The following CCDC144A variants were observed in gnomAD, a reference collection of about 807,000 sequenced individuals.
The protein encoded by CCDC144A is coiled-coil domain containing 144A.
In CCDC144A, 41 loss-of-function variants were observed where a neutral mutation model predicts 143.8. The ratio of observed to expected loss-of-function variants is 0.29; its 90% CI spans 0.22 to 0.37. The LOEUF (loss-of-function observed/expected upper bound fraction) is 0.37, where lower values mean the gene tolerates loss of function less well. Ranked by LOEUF, CCDC144A falls within the 10% of genes least tolerant of loss-of-function variation. The pLI, the probability that CCDC144A is intolerant of heterozygous loss-of-function variation, is 1.00. For missense variants in CCDC144A, 637 were observed against 1,488.8 expected, an observed-to-expected ratio of 0.43 and a Z score of 9.41; for synonymous variants, 242 against 517.9, an observed-to-expected ratio of 0.47 and a Z score of 7.23.
At chr17:16,721,773 C>T (rs1913102563) in intron 8 of CCDC144A, among the ~76,000 whole-genome samples, 1 of 151,348 alleles carries the variant, frequency 6.6e-6, no homozygotes, top group Admixed American at 6.6e-5. Context: ...TGAGACCAGC[C>T]ATAGACAATA....
intron 9 of CCDC144A, among the ~76,000 whole-genome samples, chr17:16,729,358 A>G (rs1913598978): frequency 6.6e-6 from 1 of 152,096 alleles, no homozygotes; most frequent in South Asian, 2.1e-4. Context: ...GAGCATTTTT[A>G]AATATGTTTG....
intron 2 of CCDC144A, among the ~76,000 whole-genome samples, chr17:16,698,431 C>A (rs1459280781): frequency 1.3e-5 from 2 of 152,246 alleles, no homozygotes; most frequent in African/African-American, 4.8e-5. Context: ...TTTATGTGAT[C>A]AGTACTTCTG....
At chr17:16,737,986 T>A (rs530960395) in intron 12 of CCDC144A, among the ~76,000 whole-genome samples, 11 of 151,442 alleles carry the variant, frequency 7.3e-5, no homozygotes, top group Admixed American at 2.0e-4. Context: ...TAGTATTTTT[T>A]TAGTGATTTC....
chr17:16,764,255 G>T (rs1915505805), intron 15 of CCDC144A, 80 bp downstream of exon 15: 1 of 1,550,708 alleles, frequency 6.4e-7, no homozygotes, highest in African/African-American at 1.4e-5. Flanking sequence ...TTACTTAATT[G>T]TCTTGTGTAT....
At chr17:16,676,143 G>C in the CCDC144A span, among the ~76,000 whole-genome samples, 2 of 151,986 alleles carry the variant, frequency 1.3e-5, no homozygotes, top group African/African-American at 2.4e-5. Flanking sequence ...TTGAAAAAAA[G>C]GGCAATGATA....
intron 2 of CCDC144A, among the ~76,000 whole-genome samples, chr17:16,693,383 C>A: frequency 6.6e-6 from 1 of 150,900 alleles, no homozygotes; most frequent in Non-Finnish European, 1.5e-5. Flanking sequence ...GTGGTGCGAT[C>A]TCGGCTCACT....
At chr17:16,720,768 A>T (rs1481114908) in intron 8 of CCDC144A, 110 bp downstream of exon 8, 1 of 1,535,134 alleles carries the variant, frequency 6.5e-7, no homozygotes, top group Non-Finnish European at 8.8e-7. Context: ...AAATACGCTC[A>T]GTGTTAAAAT....
At chr17:16,713,797 T>G (rs1204328755) in intron 6 of CCDC144A, among the ~76,000 whole-genome samples, 1 of 152,322 alleles carries the variant, frequency 6.6e-6, no homozygotes, top group Non-Finnish European at 1.5e-5. Context: ...TATATAAGAA[T>G]TGAAAAATAC....
intron 6 of CCDC144A, among the ~76,000 whole-genome samples, chr17:16,718,212 C>T (rs1217142820): frequency 1.3e-5 from 2 of 152,104 alleles, no homozygotes; most frequent in African/African-American, 4.8e-5. Flanking sequence ...GGAATCCTGA[C>T]TGTAGTGGAT....
intron 12 of CCDC144A, among the ~76,000 whole-genome samples, chr17:16,759,435 G>T (rs898189743): frequency 6.6e-6 from 1 of 152,094 alleles, no homozygotes; most frequent in Non-Finnish European, 1.5e-5. Context: ...GTCTATATTT[G>T]GGAATCTGAC....
chr17:16,750,010 A>G (rs1161480815), intron 12 of CCDC144A, among the ~76,000 whole-genome samples: 3 of 152,150 alleles, frequency 2.0e-5, no homozygotes, highest in African/African-American at 4.8e-5. Flanking sequence ...AATATAGCAG[A>G]CTGTTGATTC....
At chr17:16,692,551 A>C (rs1036126036) in intron 1 of CCDC144A, among the ~76,000 whole-genome samples, 44 of 141,508 alleles carry the variant, frequency 3.1e-4, no homozygotes, top group African/African-American at 1.1e-3. Context: ...GCTCAAGAAC[A>C]AATTATTTCA....
At position 16,727,807 on chromosome 17, in the gene CCDC144A, T is replaced by C. The variant is rs1913502967; in HGVS notation, c.2105+67T>C. The C allele has an allele frequency of 7.3e-6, 11 of 1,501,440 alleles. No homozygotes were observed. In the East Asian group the frequency reaches 2.6e-4, roughly 36 times the overall value. The allele number at this position is 1,501,440 out of a possible 1,614,324, so 93.0% of individuals were successfully genotyped here. On this transcript the variant is annotated intron_variant, in intron 9 of 16. Transcript: ENST00000399273. ...AATATATCAGAATTTTTGTAACTGC[T>C]GACTTACCTTCTGCAGAATAATGGG... is the stretch of plus-strand genomic sequence containing the variant.
chr17:16,675,931 G>C, the CCDC144A span, among the ~76,000 whole-genome samples: 1 of 150,896 alleles, frequency 6.6e-6, no homozygotes, highest in Non-Finnish European at 1.5e-5. Context: ...TTAATTTTCA[G>C]TAGAGACGGG....
the CCDC144A span, chr17:16,684,024 C>T: frequency 1.1e-6 from 1 of 917,364 alleles, no homozygotes; most frequent in African/African-American, 1.6e-5. Flanking sequence ...ATTCATGCAG[C>T]CTGCAAGGCC....
chr17:16,686,189 C>T (rs1351091251), upstream of CCDC144A, among the ~76,000 whole-genome samples: 1 of 150,126 alleles, frequency 6.7e-6, no homozygotes, highest in East Asian at 2.0e-4. Context: ...TGAGCCACCA[C>T]ACCTGGCCTG....
chr17:16,709,656 A>G (rs1160272644), intron 5 of CCDC144A, 21 bp downstream of exon 5: 1 of 1,603,554 alleles, frequency 6.2e-7, no homozygotes, highest in African/African-American at 1.3e-5. Context: ...ACTTGCTGCC[A>G]CTCTTTGTTT....
intron 12 of CCDC144A, among the ~76,000 whole-genome samples, chr17:16,754,225 T>G (rs1420373303): frequency 6.6e-6 from 1 of 152,264 alleles, no homozygotes; most frequent in Non-Finnish European, 1.5e-5. Context: ...TAATGTAGTT[T>G]GCAGTTTTGC....
intron 12 of CCDC144A, among the ~76,000 whole-genome samples, chr17:16,739,452 C>G (rs1169937033): frequency 6.6e-6 from 1 of 151,374 alleles, no homozygotes; most frequent in African/African-American, 2.4e-5. Flanking sequence ...AGAAGTTTCA[C>G]ATTTTGATGA....
Sources: allele counts gnomAD v4.1 joint callset (sites outside exome capture counted in the v4.1 genomes callset), GRCh38; gene constraint gnomAD v4.1.1; transcripts MANE v1.5; gene names NCBI Gene and HGNC (gene_info 2026-07-23, HGNC 2026-07-21).